NSFL1C: variants seen among roughly 807,000 people sequenced by gnomAD.
NSFL1C encodes NSFL1 cofactor p47.
A neutral mutation model predicts 43.1 loss-of-function variants in NSFL1C; 14 were observed. The observed-to-expected ratio is 0.32, with a 90% CI of 0.21 to 0.51. The LOEUF (loss-of-function observed/expected upper bound fraction) is 0.51. Ranked by LOEUF, NSFL1C falls within the 20% of genes least tolerant of loss-of-function variation. The pLI, the probability that NSFL1C is intolerant of heterozygous loss-of-function variation, is 0.98. For missense variants in NSFL1C, 406 were observed against 472.5 expected (o/e 0.86, Z 1.30); for synonymous variants, 171 against 183.5 (o/e 0.93, Z 0.55).
chr20:1,443,944 A>G (rs1328803001), intron 8 of NSFL1C, 33 bp from the exon 9 acceptor site: 2 of 1,593,806 alleles, frequency 1.3e-6, no homozygotes, highest in South Asian at 1.1e-5. Context: ...GAGCAGTGCC[A>G]TCCTCTGCTG....
At chr20:1,449,501 A>G (rs1438380996) in intron 7 of NSFL1C, among the ~76,000 whole-genome samples, 2 of 152,204 alleles carry the variant, frequency 1.3e-5, no homozygotes, top group Admixed American at 6.5e-5. Context: ...ATCATCCCGC[A>G]GGGCAGCCAC....
At chr20:1,449,170 C>T (rs1312160563) in intron 7 of NSFL1C, among the ~76,000 whole-genome samples, 1 of 152,078 alleles carries the variant, frequency 6.6e-6, no homozygotes, top group Non-Finnish European at 1.5e-5. Context: ...GGGATTAAAA[C>T]AGGATTAAAG....
At chr20:1,460,812 G>A (rs2090394089) in intron 2 of NSFL1C, among the ~76,000 whole-genome samples, 1 of 152,214 alleles carries the variant, frequency 6.6e-6, no homozygotes, top group Non-Finnish European at 1.5e-5. Flanking sequence ...GTTGGATCGT[G>A]TAATTTTAGA....
chr20:1,449,219 TAAC>T (rs2090134505), intron 7 of NSFL1C, among the ~76,000 whole-genome samples: 1 of 151,968 alleles, frequency 6.6e-6, no homozygotes, highest in African/African-American at 2.4e-5. Context: ...AGCGCTTAGC[TAAC>T]AACATAAAAC....
chr20:1,464,416 G>C lies in NSFL1C; in HGVS notation c.116C>G (p.Ala39Gly). The C allele has an allele frequency of 1.2e-6, 2 of 1,614,200 alleles. No individual in the cohort carries two copies. Among genetic ancestry groups the C allele is most frequent in the Non-Finnish European group, 1.7e-6 (2 of 1,180,020 alleles). The change falls in exon 2 of 9, where the codon GCG becomes GGG. Residue 39 changes from alanine to glycine, a missense_variant. Coordinates refer to ENST00000216879, the MANE Select transcript of NSFL1C (RefSeq NM_016143.5). ...SAGWDLQIAL[A>G]SFYEDGGDED... ...ATCCCCTCCGTCCTCATAAAAGCTC[G>C]CTAGCGCGATCTGAAACAGAGAGGT...
In NSFL1C at chr20:1,455,145, T is replaced by C. The variant is rs1180064521; in HGVS notation, c.279-13A>G. 3.7e-6 allele frequency: 6 copies of C among 1,614,106 alleles called. No individual in the cohort carries two copies. The highest frequency in any genetic ancestry group is 3.3e-4 in the Middle Eastern group (2 of 6,062). On this transcript the variant is annotated splice_polypyrimidine_tract_variant and intron_variant, in intron 3 of 8. Coordinates refer to ENST00000216879, the MANE Select transcript of NSFL1C (RefSeq NM_016143.5). ...CCCAGCATAAAACCTGTGTACAAAA[T>C]ACACCTCTAACATGAAACACTCATG... is the stretch of plus-strand genomic sequence containing the variant.
In NSFL1C at chr20:1,452,724, G is replaced by A. The variant is rs540219291; in HGVS notation, c.648-94C>T. On this transcript the variant is annotated intron_variant, in intron 6 of 8. Coordinates refer to ENST00000216879, the MANE Select transcript of NSFL1C (RefSeq NM_016143.5). ...AGAAGAAACCTCTCAGTCCCGTGGT[G>A]AAAAATCGCTGGGCCTCCAAAGGGA... 1.7e-4 allele frequency: 260 copies of A among 1,498,350 alleles called. 1 individual carries two copies. In the South Asian group the frequency reaches 2.2e-3, roughly 13 times the overall value. 92.8% of individuals were successfully genotyped at this position (1,498,350 alleles called of 1,614,324 possible).
intron 2 of NSFL1C, among the ~76,000 whole-genome samples, chr20:1,458,611 G>A (rs1342752881): frequency 6.6e-6 from 1 of 152,056 alleles, no homozygotes. Flanking sequence ...AACTAAAAAT[G>A]AGTACAGACT....
chr20:1,443,931 G>C lies in NSFL1C; in HGVS notation c.951-20C>G, dbSNP rs575010019. On this transcript the variant is annotated intron_variant, in intron 8 of 8. Transcript: ENST00000216879. ...CTGATCCTGCAGGAGTTGGGGAAGC[G>C]GTGAGCAGTGCCATCCTCTGCTGTC... 1 of 1,602,170 alleles carries C rather than the reference G, an allele frequency of 6.2e-7. No individual in the cohort carries two copies. Among genetic ancestry groups the C allele is most frequent in the Non-Finnish European group, 8.5e-7 (1 of 1,177,600 alleles).
intron 6 of NSFL1C, 101 bp from the exon 7 acceptor site, chr20:1,452,731 C>T (rs569871158): frequency 8.3e-6 from 12 of 1,448,792 alleles, no homozygotes; most frequent in East Asian, 4.5e-5. Context: ...GGTGAAAAAT[C>T]GCTGGGCCTC....
At chr20:1,459,262 A>G (rs1403714791) in intron 2 of NSFL1C, among the ~76,000 whole-genome samples, 1 of 152,216 alleles carries the variant, frequency 6.6e-6, no homozygotes, top group African/African-American at 2.4e-5. Flanking sequence ...TGTTCTCATG[A>G]TAGTGAGTGA....
At chr20:1,450,378 A>C (rs1244197245) in intron 7 of NSFL1C, among the ~76,000 whole-genome samples, 1 of 152,210 alleles carries the variant, frequency 6.6e-6, no homozygotes, top group Non-Finnish European at 1.5e-5. Context: ...AAAAAGCCAG[A>C]ACTGAAATAA....
chr20:1,454,299 C>A lies in NSFL1C; in HGVS notation c.451G>T (p.Ala151Ser), dbSNP rs2090249869. The A allele has an allele frequency of 6.2e-7, 1 of 1,611,636 alleles. No individual in the cohort carries two copies. The highest frequency in any genetic ancestry group is 8.5e-7 in the Non-Finnish European group (1 of 1,179,344). ...GCCCCAAGGCGGTAGCCACCTCCTG[C>A]AAATGGCTATAAGGGACAAGTTCAT... ...PGETSKPRPF[A>S]GGGYRLGAAP... Residue 151 changes from alanine to serine, a missense_variant, in exon 5 of 9, where the codon GCA becomes TCA. Coordinates refer to ENST00000216879, the MANE Select transcript of NSFL1C (RefSeq NM_016143.5).
intron 8 of NSFL1C, among the ~76,000 whole-genome samples, chr20:1,444,428 T>C (rs990036189): frequency 2.0e-5 from 3 of 152,208 alleles, no homozygotes; most frequent in African/African-American, 4.8e-5. Context: ...GTGTCTCTTT[T>C]GTATATCACA....
intron 7 of NSFL1C, 106 bp downstream of exon 7, chr20:1,452,387 T>C (rs1340892787): frequency 2.8e-6 from 4 of 1,416,826 alleles, no homozygotes; most frequent in African/African-American, 1.4e-5. Flanking sequence ...TTGAAGTATT[T>C]TGTAAACAGT....
At chr20:1,455,273 G>A in intron 3 of NSFL1C, 141 bp from the exon 4 acceptor site, 1 of 943,034 alleles carries the variant, frequency 1.1e-6, no homozygotes, top group Non-Finnish European at 1.7e-6. Context: ...GGAACACATG[G>A]AAGGAGGCAA....
At position 1,442,888 on chromosome 20, in the gene NSFL1C, A is replaced by T. The variant is rs3210915; in HGVS notation, c.*861T>A. ...CGGTGGCATTTTGACTGTTTATCTT[A>T]TAGGGCAAGATACCCTGATTCTGAA... On this transcript the variant is annotated 3_prime_UTR_variant, in exon 9 of 9. Coordinates refer to ENST00000216879, the MANE Select transcript of NSFL1C (RefSeq NM_016143.5). The T allele has an allele frequency of 0.63, 95,167 of 152,032 alleles. 29,975 individuals carry two copies. The highest frequency in any genetic ancestry group is 0.79 in the East Asian group (4,070 of 5,164). 9.4% of individuals were successfully genotyped at this position (152,032 alleles called of 1,614,324 possible). A position where few individuals can be genotyped will look rare whatever the true frequency, so the allele number is the denominator to read the frequency against.
intron 8 of NSFL1C, 66 bp downstream of exon 8, chr20:1,445,600 C>T: frequency 1.9e-6 from 3 of 1,556,226 alleles, no homozygotes; most frequent in Non-Finnish European, 2.6e-6. Context: ...CTCTCTGCTT[C>T]CCACACATTT....
At chr20:1,464,761 G>A (rs557685425) in intron 1 of NSFL1C, among the ~76,000 whole-genome samples, 4 of 152,224 alleles carry the variant, frequency 2.6e-5, no homozygotes, top group African/African-American at 9.6e-5. Context: ...TTCTACATAC[G>A]TTAATTTGTT....
Sources: gnomAD v4.1 joint callset for allele counts (sites outside exome capture counted in the v4.1 genomes callset) on GRCh38, gnomAD v4.1.1 for gene constraint, MANE v1.5 for transcripts, NCBI Gene and HGNC (gene_info 2026-07-23, HGNC 2026-07-21) for gene names.